Variants in SLC25A21 observed in about 807,000 individuals in gnomAD.
SLC25A21 encodes the protein solute carrier family 25 member 21.
SLC25A21 carries 47 observed loss-of-function variants against 43.8 expected under a neutral mutation model. The observed-to-expected ratio is 1.07, with a 90% confidence interval of 0.85 to 1.37. The LOEUF (loss-of-function observed/expected upper bound fraction) is 1.37, where lower values mean the gene tolerates loss of function less well. Ranked by LOEUF, SLC25A21 falls within the 40% of genes most tolerant of loss-of-function variation. SLC25A21 has a pLI of 0.00. For missense variants in SLC25A21, 352 were observed against 350.2 expected (o/e 1.00, Z -0.04); for synonymous variants, 131 against 121.3 (o/e 1.08, Z -0.52).
At chr14:36,754,672 G>C (rs962426838) in intron 3 of SLC25A21, among the ~76,000 whole-genome samples, 1 of 151,524 alleles carries the variant, frequency 6.6e-6, no homozygotes, top group Non-Finnish European at 1.5e-5. Flanking sequence ...GTGGGCACTT[G>C]AAAGAATTTC....
chr14:37,107,436 C>T (rs547995400), intron 1 of SLC25A21, among the ~76,000 whole-genome samples: 1 of 152,052 alleles, frequency 6.6e-6, no homozygotes, highest in African/African-American at 2.4e-5. Context: ...TCCCTTCTCT[C>T]CCTCCCAAAG....
intron 1 of SLC25A21, among the ~76,000 whole-genome samples, chr14:37,110,854 A>C (rs949400777): frequency 3.9e-5 from 6 of 152,148 alleles, no homozygotes; most frequent in African/African-American, 9.7e-5. Flanking sequence ...AGAGACTATA[A>C]ACTATTGGAA....
intron 1 of SLC25A21, among the ~76,000 whole-genome samples, chr14:36,996,615 T>C (rs1477377112): frequency 6.6e-6 from 1 of 152,148 alleles, no homozygotes; most frequent in Admixed American, 6.6e-5. Flanking sequence ...CTCCTAAAGT[T>C]TTCTGCTGGT....
At chr14:36,782,246 C>T (rs899698140) in intron 3 of SLC25A21, among the ~76,000 whole-genome samples, 1 of 152,106 alleles carries the variant, frequency 6.6e-6, no homozygotes, top group Non-Finnish European at 1.5e-5. Flanking sequence ...ATTTTTGGGC[C>T]TCCCATACCT....
chr14:36,768,217 C>A (rs991707488), intron 3 of SLC25A21, among the ~76,000 whole-genome samples: 4 of 152,048 alleles, frequency 2.6e-5, no homozygotes, highest in Admixed American at 1.3e-4. Context: ...AACTTGTTGA[C>A]CAAGAGAGGG....
chr14:36,682,849 T>C (rs1169728837), intron 9 of SLC25A21, among the ~76,000 whole-genome samples: 11 of 152,196 alleles, frequency 7.2e-5, no homozygotes, highest in Non-Finnish European at 1.5e-4. Flanking sequence ...CCTAAATATA[T>C]GAAAGTGTGA....
At position 36,706,975 on chromosome 14, in the gene SLC25A21, T is replaced by C. The variant is rs867709797; in HGVS notation, c.603+4343A>G. 7.2e-5 allele frequency among the ~76,000 whole-genome samples: 11 copies of C among 152,324 alleles called. No homozygotes were observed. In the South Asian group the frequency reaches 1.0e-3, roughly 14 times the overall value. ...TGAAGATAAGAATCTTAGATGAAGA[T>C]AAGAATCCTTAGTGTGGCCTACAAG... On this transcript the variant is annotated intron_variant, in intron 7 of 9. Coordinates refer to ENST00000331299, the MANE Select transcript of SLC25A21 (RefSeq NM_030631.4).
chr14:36,933,613 C>A (rs921725160), intron 1 of SLC25A21, among the ~76,000 whole-genome samples: 1 of 152,110 alleles, frequency 6.6e-6, no homozygotes, highest in Non-Finnish European at 1.5e-5. Context: ...AAAGCAGACA[C>A]CAACACCAAA....
At chr14:36,884,751 T>C (rs919596651) in intron 1 of SLC25A21, among the ~76,000 whole-genome samples, 2 of 152,214 alleles carry the variant, frequency 1.3e-5, no homozygotes, top group East Asian at 1.9e-4. Context: ...TTTTTCTATA[T>C]GTCTGTTGGC....
At chr14:36,858,251 C>G (rs2034476863) in intron 2 of SLC25A21, among the ~76,000 whole-genome samples, 1 of 152,142 alleles carries the variant, frequency 6.6e-6, no homozygotes, top group African/African-American at 2.4e-5. Flanking sequence ...CCACCCCTAC[C>G]CCCACCCTCC....
intron 1 of SLC25A21, among the ~76,000 whole-genome samples, chr14:37,071,891 T>G (rs1183218775): frequency 6.6e-6 from 1 of 152,096 alleles, no homozygotes; most frequent in Non-Finnish European, 1.5e-5. Flanking sequence ...TCAGAGATGT[T>G]AAAATGTAGG....
At chr14:36,947,283 C>T (rs921410884) in intron 1 of SLC25A21, among the ~76,000 whole-genome samples, 1 of 152,174 alleles carries the variant, frequency 6.6e-6, no homozygotes, top group Admixed American at 6.5e-5. Context: ...GTAACCACTA[C>T]AGCATTTATT....
chr14:36,753,714 A>G (rs1204328681), intron 3 of SLC25A21, among the ~76,000 whole-genome samples: 2 of 152,196 alleles, frequency 1.3e-5, no homozygotes, highest in Non-Finnish European at 2.9e-5. Context: ...AGCAAAGCCA[A>G]TATTTATAGA....
At chr14:36,812,076 A>T (rs544552531) in intron 3 of SLC25A21, among the ~76,000 whole-genome samples, 11 of 152,280 alleles carry the variant, frequency 7.2e-5, no homozygotes, top group Non-Finnish European at 1.6e-4. Flanking sequence ...CCTACAAATT[A>T]AAAAATCTAA....
intron 3 of SLC25A21, among the ~76,000 whole-genome samples, chr14:36,744,303 A>T (rs1244228286): frequency 6.6e-6 from 1 of 152,128 alleles, no homozygotes; most frequent in African/African-American, 2.4e-5. Context: ...GAAGGCTATA[A>T]TAACCAAAAC....
intron 1 of SLC25A21, among the ~76,000 whole-genome samples, chr14:37,090,373 G>C (rs1046754376): frequency 6.6e-6 from 1 of 152,234 alleles, no homozygotes; most frequent in African/African-American, 2.4e-5. Context: ...TGTGGAGGAT[G>C]CCTCCTCGCA....
chr14:36,883,050 C>T (rs1410539029), intron 1 of SLC25A21, among the ~76,000 whole-genome samples: 1 of 152,108 alleles, frequency 6.6e-6, no homozygotes, highest in African/African-American at 2.4e-5. Flanking sequence ...TTACAGGTAT[C>T]CCTCCATCTA....
chr14:36,955,235 A>G (rs1199311840), intron 1 of SLC25A21, among the ~76,000 whole-genome samples: 3 of 152,340 alleles, frequency 2.0e-5, no homozygotes, highest in Non-Finnish European at 4.4e-5. Context: ...ATAATCATCA[A>G]AAAAGAAGAA....
At chr14:36,824,284 C>T (rs1375435729) in intron 2 of SLC25A21, among the ~76,000 whole-genome samples, 1 of 151,912 alleles carries the variant, frequency 6.6e-6, no homozygotes, top group Non-Finnish European at 1.5e-5. Flanking sequence ...CTAAGCTTGG[C>T]TAATAAGGAA....
Sources: allele counts gnomAD v4.1 joint callset (sites outside exome capture counted in the v4.1 genomes callset), GRCh38; gene constraint gnomAD v4.1.1; transcripts MANE v1.5; gene names NCBI Gene and HGNC (gene_info 2026-07-23, HGNC 2026-07-21).